Variants in PINX1 observed in about 807,000 individuals in gnomAD.
The protein encoded by PINX1 is PIN2 (TERF1) interacting telomerase inhibitor 1.
In PINX1, 34 loss-of-function variants were observed where a neutral mutation model predicts 25.4. That is an observed-to-expected ratio of 1.34 (90% CI 1.02 to 1.78). PINX1 has a LOEUF of 1.78. Among genes scored for constraint, PINX1 ranks in the 40% most tolerant of loss-of-function variants. The pLI is 0.00. For synonymous variants in PINX1, 197 were observed against 147.7 expected (o/e 1.33, Z -2.42); for missense variants, 592 against 404.9 (o/e 1.46, Z -3.97).
intron 6 of PINX1, among the ~76,000 whole-genome samples, chr8:10,800,451 T>C (rs1802230739): frequency 1.3e-5 from 2 of 151,900 alleles, no homozygotes; most frequent in South Asian, 4.2e-4. Flanking sequence ...TTTATTTACA[T>C]GATCTGACTG....
chr8:10,795,340 C>T (rs1802052767), intron 6 of PINX1, among the ~76,000 whole-genome samples: 1 of 152,170 alleles, frequency 6.6e-6, no homozygotes, highest in Admixed American at 6.5e-5. Context: ...CAGAAAGGGT[C>T]CTTTCTAAAG....
At chr8:10,790,942 T>A (rs1450112937) in intron 6 of PINX1, among the ~76,000 whole-genome samples, 4 of 152,072 alleles carry the variant, frequency 2.6e-5, no homozygotes, top group Non-Finnish European at 5.9e-5. Flanking sequence ...AGACAGAGTA[T>A]CCCACCGTTG....
chr8:10,810,921 G>C (rs961685067), intron 6 of PINX1, among the ~76,000 whole-genome samples: 1 of 152,234 alleles, frequency 6.6e-6, no homozygotes, highest in Non-Finnish European at 1.5e-5. Context: ...TGTTCACTCA[G>C]TAGGTTTATA....
intron 5 of PINX1, among the ~76,000 whole-genome samples, chr8:10,822,702 A>C (rs141993137): frequency 6.6e-6 from 1 of 152,330 alleles, no homozygotes; most frequent in Non-Finnish European, 1.5e-5. Flanking sequence ...TTTCATTGAC[A>C]CGAGAACTTA....
At chr8:10,788,228 T>C (rs6984094) in intron 6 of PINX1, among the ~76,000 whole-genome samples, 31,025 of 152,100 alleles carry the variant, frequency 0.2, 4,596 homozygotes, top group African/African-American at 0.42. Flanking sequence ...TCTCTCTACT[T>C]TTATACACAT....
At chr8:10,772,308 G>A (rs981157929) in intron 6 of PINX1, among the ~76,000 whole-genome samples, 15 of 152,228 alleles carry the variant, frequency 9.9e-5, no homozygotes, top group African/African-American at 3.6e-4. Flanking sequence ...GCTGATTCTA[G>A]GGAGTCATTG....
chr8:10,812,083 CT>C (rs1797541580), intron 6 of PINX1, among the ~76,000 whole-genome samples: 1 of 152,200 alleles, frequency 6.6e-6, no homozygotes, highest in African/African-American at 2.4e-5. Flanking sequence ...GTGAAGGTAA[CT>C]TCACCTTGAC....
intron 5 of PINX1, among the ~76,000 whole-genome samples, chr8:10,823,866 G>T (rs933192601): frequency 6.6e-6 from 1 of 152,156 alleles, no homozygotes; most frequent in South Asian, 2.1e-4. Context: ...TGATATTTAG[G>T]CAGTAGCAAA....
intron 6 of PINX1, among the ~76,000 whole-genome samples, chr8:10,799,472 G>A (rs1802196587): frequency 6.6e-6 from 1 of 152,116 alleles, no homozygotes; most frequent in Non-Finnish European, 1.5e-5. Context: ...CTCTTACTCT[G>A]CATTCTAGAC....
intron 6 of PINX1, among the ~76,000 whole-genome samples, chr8:10,789,858 C>T (rs1258427037): frequency 6.6e-6 from 1 of 152,070 alleles, no homozygotes; most frequent in Non-Finnish European, 1.5e-5. Flanking sequence ...GGATTTTTCC[C>T]CCTTCTTCCT....
rs1246020912 is a variant in PINX1, at chr8:10,826,144, A to G, written c.394+8T>C. 6.8e-7 allele frequency: 1 copy of G among 1,467,330 alleles called. No individual in the cohort carries two copies. Among genetic ancestry groups the G allele is most frequent in the Non-Finnish European group, 9.4e-7 (1 of 1,058,836 alleles). The allele number at this position is 1,467,330 out of a possible 1,614,324, so 90.9% of individuals were successfully genotyped here. The stretch of plus-strand genomic sequence containing the variant: ...TTCAATAACAAGTAAAGAAATGCTT[A>G]ATCTTACCTTTTGTGAATTTCATAT... On this transcript the variant is annotated splice_region_variant and intron_variant, in intron 5 of 6. Coordinates refer to ENST00000314787, the MANE Select transcript of PINX1 (RefSeq NM_017884.6).
intron 6 of PINX1, among the ~76,000 whole-genome samples, chr8:10,785,441 T>A (rs1014647314): frequency 4.6e-5 from 7 of 152,216 alleles, no homozygotes; most frequent in Non-Finnish European, 1.0e-4. Context: ...TATAAACAGT[T>A]TGAATTACAA....
intron 6 of PINX1, among the ~76,000 whole-genome samples, chr8:10,810,849 T>G (rs1477859614): frequency 6.6e-6 from 1 of 152,218 alleles, no homozygotes; most frequent in African/African-American, 2.4e-5. Context: ...AATGGCAAAA[T>G]GGCAGACAGG....
chr8:10,827,292 G>C (rs1188877570), intron 4 of PINX1, among the ~76,000 whole-genome samples: 1 of 152,170 alleles, frequency 6.6e-6, no homozygotes, highest in Non-Finnish European at 1.5e-5. Context: ...ATAGCTCCAA[G>C]CCACCTTTTC....
Position 10,789,860 on chromosome 8 carries a change from C to T in PINX1, c.472-23944G>A, listed in dbSNP as rs184472803. Among the ~76,000 whole-genome samples the T allele has an allele frequency of 2.4e-3, 370 of 152,226 alleles. 1 individual carries two copies. Among genetic ancestry groups the T allele is most frequent in the Non-Finnish European group, 4.4e-3 (301 of 68,012 alleles). ...CTGTTTGGATCATGGATTTTTCCCC[C>T]TTCTTCCTAATGTACTATGTACAGG... On this transcript the variant is annotated intron_variant, in intron 6 of 6. Transcript: ENST00000314787.
At chr8:10,822,352 A>G (rs1797903795) in intron 5 of PINX1, among the ~76,000 whole-genome samples, 1 of 152,250 alleles carries the variant, frequency 6.6e-6, no homozygotes, top group Non-Finnish European at 1.5e-5. Flanking sequence ...TTATGGTCAA[A>G]TCATACAAAA....
chr8:10,775,950 C>G (rs1407462202), intron 6 of PINX1, among the ~76,000 whole-genome samples: 6 of 152,136 alleles, frequency 3.9e-5, no homozygotes, highest in Non-Finnish European at 7.3e-5. Flanking sequence ...ACCCAAAGCT[C>G]ATGTCCCAAC....
At chr8:10,793,772 C>G (rs1312749229) in intron 6 of PINX1, among the ~76,000 whole-genome samples, 6 of 152,064 alleles carry the variant, frequency 3.9e-5, no homozygotes, top group Admixed American at 1.3e-4. Flanking sequence ...CCTCAGGGAT[C>G]TCTGTCAAAG....
At chr8:10,785,670 A>G (rs1370817100) in intron 6 of PINX1, among the ~76,000 whole-genome samples, 5 of 152,230 alleles carry the variant, frequency 3.3e-5, no homozygotes, top group South Asian at 2.1e-4. Flanking sequence ...CCAAACTCAA[A>G]TAAGAAAGAT....
Sources: allele counts gnomAD v4.1 joint callset (sites outside exome capture counted in the v4.1 genomes callset), GRCh38; gene constraint gnomAD v4.1.1; transcripts MANE v1.5; gene names NCBI Gene and HGNC (gene_info 2026-07-23, HGNC 2026-07-21).